Variants in FYB1 observed in about 807,000 individuals in gnomAD.
FYB1 encodes the protein FYN binding protein 1, also known as FYN-binding protein 1.
Under a neutral mutation model 94.1 loss-of-function variants are expected in FYB1, and 41 were observed. That is an observed-to-expected ratio of 0.44 (90% CI 0.34 to 0.57). The LOEUF is 0.57. Among genes scored for constraint, FYB1 ranks in the 20% least tolerant of loss-of-function variants. The pLI is 0.02. For missense variants in FYB1, 1,050 were observed against 976.8 expected (o/e 1.07, Z -1.00); for synonymous variants, 367 against 353.2 (o/e 1.04, Z -0.44).
At position 39,202,758 on chromosome 5, in the gene FYB1, G is replaced by T. The variant is rs765588986; in HGVS notation, c.203C>A (p.Pro68His). 1 of 1,613,928 alleles carries T rather than the reference G, an allele frequency of 6.2e-7. No homozygotes were observed. The highest frequency in any genetic ancestry group is 1.3e-5 in the African/African-American group (1 of 75,038). Reference protein sequence around the residue: ...GSPKPPVAVKPSSEEKPDKEP... With the variant: ...GSPKPPVAVKHSSEEKPDKEP... ...CTTGTCAGGCTTTTCCTCAGAAGAA[G>T]GTTTGACTGCCACAGGTGGCTTTGG... Residue 68 changes from proline (P) to histidine (H), a missense_variant, in exon 2 of 19, where the codon CCT becomes CAT. Transcript: ENST00000512982.
In FYB1 at chr5:39,206,422, A is replaced by G. The variant is rs577028962; in HGVS notation, c.-27-3435T>C. On this transcript the variant is annotated intron_variant, in intron 1 of 18. Transcript: ENST00000512982. ...TTTCTTTAAGCGTAATGATAGAAAA[A>G]GCAAAAATGATTTTTAAAATGGACA... Among the ~76,000 whole-genome samples, 65 of 152,358 alleles carry G rather than the reference A, an allele frequency of 4.3e-4. 1 individual carries two copies. The South Asian group carries it at 0.013, about 32-fold the overall frequency.
intron 12 of FYB1, 103 bp from the exon 13 acceptor site, chr5:39,124,381 T>C: frequency 1.6e-6 from 1 of 615,898 alleles, no homozygotes; most frequent in South Asian, 2.8e-5. Flanking sequence ...TAGAGGCATA[T>C]TGGGTTACTT....
intron 9 of FYB1, among the ~76,000 whole-genome samples, chr5:39,130,867 T>C (rs1055943472): frequency 6.6e-6 from 1 of 152,134 alleles, no homozygotes; most frequent in South Asian, 2.1e-4. Flanking sequence ...AATGATGATA[T>C]TGTTTGCTTT....
intron 12 of FYB1, among the ~76,000 whole-genome samples, chr5:39,125,547 CTA>C (rs1012466983): frequency 2.0e-5 from 3 of 151,890 alleles, no homozygotes; most frequent in Non-Finnish European, 4.4e-5. Context: ...TTATTTCAAA[CTA>C]TTAAAAAGAA....
chr5:39,187,539 T>C (rs1283186819), intron 2 of FYB1, among the ~76,000 whole-genome samples: 1 of 152,218 alleles, frequency 6.6e-6, no homozygotes, highest in Non-Finnish European at 1.5e-5. Flanking sequence ...CCAGTACAGT[T>C]GCACTTGGGC....
At chr5:39,150,650 A>G (rs184418871) in intron 3 of FYB1, among the ~76,000 whole-genome samples, 10 of 152,296 alleles carry the variant, frequency 6.6e-5, no homozygotes, top group African/African-American at 2.2e-4. Context: ...TGCTTGGGCC[A>G]AAAACACTGG....
rs115593878 is a variant in FYB1 at position 39,254,066 on chromosome 5, G to A, written c.-28+20337C>T. Among the ~76,000 whole-genome samples, 1,341 of 152,250 alleles carry A rather than the reference G, an allele frequency of 8.8e-3. 8 individuals are homozygous for A. The highest frequency in any genetic ancestry group is 0.03 in the African/African-American group (1,264 of 41,548). The stretch of plus-strand genomic sequence containing the variant: ...TCCGTAGTAGTTCTATGGTGTATAT[G>A]TACCACGTTTTCTTTATCCAGCCTA... On this transcript the variant is annotated intron_variant, in intron 1 of 1. Transcript: ENST00000510188.
rs114640798 is a variant in FYB1, at chr5:39,226,894, A to G, written c.-27-23907T>C. 6.5e-3 allele frequency among the ~76,000 whole-genome samples: 991 copies of G among 152,342 alleles called. 15 individuals are homozygous for G. The highest frequency in any genetic ancestry group is 0.023 in the African/African-American group (940 of 41,580). ...GTGCTTAGGCCCTCAATAAATGTCA[A>G]TAAAAGAAGGCATTCTCTATCTCTT... On this transcript the variant is annotated intron_variant, in intron 1 of 1. Transcript: ENST00000510188.
upstream of FYB1, among the ~76,000 whole-genome samples, chr5:39,224,501 T>C (rs1217479373): frequency 6.6e-6 from 1 of 152,146 alleles, no homozygotes; most frequent in Admixed American, 6.5e-5. Flanking sequence ...TATATTGACT[T>C]GTCAAGAGCT....
At chr5:39,200,689 A>G (rs1246786711) in intron 2 of FYB1, among the ~76,000 whole-genome samples, 1 of 152,218 alleles carries the variant, frequency 6.6e-6, no homozygotes, top group Non-Finnish European at 1.5e-5. Context: ...CTTGATCACT[A>G]AGCTGTTTAC....
Position 39,108,219 on chromosome 5 carries a change from C to A in FYB1, c.2467+12G>T. On this transcript the variant is annotated intron_variant, in intron 18 of 18. Transcript: ENST00000512982. Reference sequence around the variant, plus strand: ...ATGACTGTTCTCTAGGGTGGTACTACATAAGACTTACCATCAGCAATATCA... The same window carrying A: ...ATGACTGTTCTCTAGGGTGGTACTAAATAAGACTTACCATCAGCAATATCA... The A allele has an allele frequency of 6.6e-7, 1 of 1,522,338 alleles. No homozygotes were observed. The highest frequency in any genetic ancestry group is 1.2e-5 in the South Asian group (1 of 82,774). 94.3% of individuals were successfully genotyped at this position (1,522,338 alleles called of 1,614,324 possible). A position where few individuals can be genotyped will look rare whatever the true frequency, so the allele number is the denominator to read the frequency against.
chr5:39,269,102 C>A (rs559758931), intron 1 of FYB1, among the ~76,000 whole-genome samples: 1 of 151,686 alleles, frequency 6.6e-6, no homozygotes, highest in Non-Finnish European at 1.5e-5. Context: ...CAGGCTAGAG[C>A]GCAGTGGCGT....
At chr5:39,209,329 G>GTTT (rs5867446) in intron 1 of FYB1, among the ~76,000 whole-genome samples, 5 of 135,670 alleles carry the variant, frequency 3.7e-5, no homozygotes, top group African/African-American at 1.3e-4. Context: ...GTTTAAATAT[G>GTTT]TTTTTTTTTT....
rs375396731 is a variant in FYB1 at position 39,120,149 on chromosome 5, G to T, written c.2139-515C>A. On this transcript the variant is annotated intron_variant, in intron 14 of 18. Transcript: ENST00000512982. ...ATAAAAAAACTTAAGTAAAAGTTAA[G>T]ATTTTAGATATTATAAGAAGGAGCT... Among the ~76,000 whole-genome samples the T allele has an allele frequency of 5.9e-5, 9 of 152,076 alleles. No individual in the cohort carries two copies. The South Asian group carries it at 1.9e-3, about 31-fold the overall frequency.
chr5:39,203,572 ATAAG>A (rs1203833046), intron 1 of FYB1, among the ~76,000 whole-genome samples: 1 of 152,150 alleles, frequency 6.6e-6, no homozygotes, highest in Non-Finnish European at 1.5e-5. Context: ...GCTCATTTTT[ATAAG>A]TAAGTAATAA....
chr5:39,227,052 G>T (rs747056515), intron 1 of FYB1, among the ~76,000 whole-genome samples: 7 of 152,170 alleles, frequency 4.6e-5, no homozygotes. Context: ...CATAAATCTG[G>T]TCTTCAGACC....
chr5:39,155,043 G>A (rs1474307234), intron 2 of FYB1, among the ~76,000 whole-genome samples: 1 of 152,038 alleles, frequency 6.6e-6, no homozygotes, highest in Admixed American at 6.6e-5. Flanking sequence ...TTTGGATCCT[G>A]CTTTTGCCTG....
At chr5:39,216,895 T>C (rs1749913672) in intron 1 of FYB1, among the ~76,000 whole-genome samples, 1 of 152,240 alleles carries the variant, frequency 6.6e-6, no homozygotes, top group African/African-American at 2.4e-5. Context: ...CAAGGTTATG[T>C]ATTGAATTTA....
At chr5:39,144,491 G>T (rs544532940) in intron 3 of FYB1, among the ~76,000 whole-genome samples, 1 of 152,066 alleles carries the variant, frequency 6.6e-6, no homozygotes, top group African/African-American at 2.4e-5. Context: ...GACATGGAGA[G>T]TGAACTTATA....
Sources: allele counts gnomAD v4.1 joint callset (sites outside exome capture counted in the v4.1 genomes callset), GRCh38; gene constraint gnomAD v4.1.1; transcripts MANE v1.5; gene names NCBI Gene and HGNC (gene_info 2026-07-23, HGNC 2026-07-21).